The following PGCKA1 variants were observed in gnomAD, a reference collection of about 807,000 sequenced individuals.
PGCKA1 encodes the protein PDCD10 and GCKIII kinases-associated protein 1.
At chr4:37,470,344 A>G in the PGCKA1 span, among the ~76,000 whole-genome samples, 3 of 151,804 alleles carry the variant, frequency 2.0e-5, no homozygotes, top group Non-Finnish European at 2.9e-5. Context: ...GTACAGGTGG[A>G]GCCAAAGGAT....
At chr4:37,513,178 C>T in the PGCKA1 span, among the ~76,000 whole-genome samples, 1 of 152,030 alleles carries the variant, frequency 6.6e-6, no homozygotes, top group Non-Finnish European at 1.5e-5. Context: ...GATTAAACTC[C>T]TTATGCTTAT....
chr4:37,567,738 C>A, the PGCKA1 span, among the ~76,000 whole-genome samples: 1 of 152,128 alleles, frequency 6.6e-6, no homozygotes, highest in Non-Finnish European at 1.5e-5. Flanking sequence ...ATCCCCAGAA[C>A]CTAGCACAGT....
chr4:37,567,925 ATGTC>A, the PGCKA1 span, among the ~76,000 whole-genome samples: 7 of 152,230 alleles, frequency 4.6e-5, no homozygotes, highest in African/African-American at 1.4e-4. Context: ...ATCTATGAAA[ATGTC>A]TGTGATATGC....
chr4:37,571,541 T>TG, the PGCKA1 span, among the ~76,000 whole-genome samples: 1 of 137,672 alleles, frequency 7.3e-6, no homozygotes, highest in Non-Finnish European at 1.6e-5. Context: ...TTTTGTATTT[T>TG]TATTTTTATT....
the PGCKA1 span, among the ~76,000 whole-genome samples, chr4:37,483,229 A>G: frequency 6.6e-6 from 1 of 152,102 alleles, no homozygotes; most frequent in Non-Finnish European, 1.5e-5. Flanking sequence ...TTCTTTCATG[A>G]TTGTAAGTTT....
At chr4:37,576,835 CA>C in the PGCKA1 span, among the ~76,000 whole-genome samples, 1 of 151,978 alleles carries the variant, frequency 6.6e-6, no homozygotes, top group Non-Finnish European at 1.5e-5. Flanking sequence ...TTGAAATGAT[CA>C]TATGGTTTTT....
the PGCKA1 span, among the ~76,000 whole-genome samples, chr4:37,478,072 G>A: frequency 6.6e-6 from 1 of 151,810 alleles, no homozygotes; most frequent in Non-Finnish European, 1.5e-5. Flanking sequence ...CTTTCCAAAG[G>A]CGATTTCCAG....
chr4:37,557,735 A>G, the PGCKA1 span, among the ~76,000 whole-genome samples: 1 of 152,208 alleles, frequency 6.6e-6, no homozygotes, highest in Non-Finnish European at 1.5e-5. Context: ...TGTGATCAAC[A>G]GTTTATATGA....
the PGCKA1 span, among the ~76,000 whole-genome samples, chr4:37,481,464 CAAA>C: frequency 3.7e-3 from 224 of 61,198 alleles, no homozygotes; most frequent in Non-Finnish European, 4.9e-3. Context: ...GACCTGTCTC[CAAA>C]AAAAAAAAAA....
the PGCKA1 span, among the ~76,000 whole-genome samples, chr4:37,546,519 T>C: frequency 6.6e-6 from 1 of 152,202 alleles, no homozygotes; most frequent in Non-Finnish European, 1.5e-5. Flanking sequence ...GTACAATCTT[T>C]AGTGTTGCAA....
chr4:37,531,442 C>T, the PGCKA1 span, among the ~76,000 whole-genome samples: 1 of 152,122 alleles, frequency 6.6e-6, no homozygotes, highest in Non-Finnish European at 1.5e-5. Flanking sequence ...AGAAAATTGT[C>T]TGGGAAATGC....
the PGCKA1 span, among the ~76,000 whole-genome samples, chr4:37,587,096 G>T: frequency 6.6e-6 from 1 of 152,060 alleles, no homozygotes; most frequent in East Asian, 1.9e-4. Flanking sequence ...TTCCAGCTTG[G>T]GGGGCTGCCA....
chr4:37,518,022 T>G, the PGCKA1 span, among the ~76,000 whole-genome samples: 2 of 152,228 alleles, frequency 1.3e-5, no homozygotes, highest in Admixed American at 6.5e-5. Flanking sequence ...ATGTCTGTCT[T>G]TCTGTGCCTG....
the PGCKA1 span, among the ~76,000 whole-genome samples, chr4:37,481,122 C>G: frequency 6.6e-6 from 1 of 152,146 alleles, no homozygotes; most frequent in Non-Finnish European, 1.5e-5. Context: ...CTAACTTCCT[C>G]AAAATATACA....
the PGCKA1 span, among the ~76,000 whole-genome samples, chr4:37,522,494 CCG>C: frequency 6.6e-6 from 1 of 152,074 alleles, no homozygotes; most frequent in African/African-American, 2.4e-5. Flanking sequence ...TGGTATGGCC[CCG>C]CACAGGATCA....
the PGCKA1 span, among the ~76,000 whole-genome samples, chr4:37,576,257 C>A: frequency 6.6e-6 from 1 of 152,124 alleles, no homozygotes; most frequent in South Asian, 2.1e-4. Flanking sequence ...TTTTTAATTT[C>A]TTTCACCAAC....
chr4:37,528,684 G>T, the PGCKA1 span, among the ~76,000 whole-genome samples: 1 of 152,290 alleles, frequency 6.6e-6, no homozygotes, highest in East Asian at 1.9e-4. Context: ...TTGATGCATT[G>T]TTCTCCTAGG....
At chr4:37,473,034 T>C in the PGCKA1 span, among the ~76,000 whole-genome samples, 1 of 152,192 alleles carries the variant, frequency 6.6e-6, no homozygotes, top group East Asian at 1.9e-4. Context: ...ATTTAAATCT[T>C]GGGGACTTAG....
the PGCKA1 span, among the ~76,000 whole-genome samples, chr4:37,510,885 A>C: frequency 6.6e-6 from 1 of 151,796 alleles, no homozygotes; most frequent in Non-Finnish European, 1.5e-5. Context: ...CTGGTATTCT[A>C]TTCTACTGTG....
Sources: allele counts gnomAD v4.1 joint callset (sites outside exome capture counted in the v4.1 genomes callset), GRCh38; gene constraint gnomAD v4.1.1; transcripts MANE v1.5; gene names NCBI Gene and HGNC (gene_info 2026-07-23, HGNC 2026-07-21).